The following C1orf21 variants were observed in gnomAD, a reference collection of about 807,000 sequenced individuals.
C1orf21 encodes uncharacterized protein C1orf21.
Under a neutral mutation model 18.7 loss-of-function variants are expected in C1orf21, and 3 were observed. The observed-to-expected ratio is 0.16, with a 90% CI of 0.07 to 0.42. The LOEUF is 0.42. C1orf21 is among the 10% of genes least tolerant of loss of function. The pLI is 0.99. For missense variants in C1orf21, 104 were observed against 143.6 expected (o/e 0.72, Z 1.41); for synonymous variants, 41 against 46.4 (o/e 0.88, Z 0.47).
intron 2 of C1orf21, among the ~76,000 whole-genome samples, chr1:184,493,334 A>C (rs1460732661): frequency 6.6e-6 from 1 of 152,240 alleles, no homozygotes; most frequent in African/African-American, 2.4e-5. Flanking sequence ...CATTTTATCT[A>C]AAAATAATTT....
chr1:184,409,937 T>C (rs376122802), intron 1 of C1orf21, among the ~76,000 whole-genome samples: 8 of 152,196 alleles, frequency 5.3e-5, no homozygotes. Context: ...GATTCATGTA[T>C]GAAAAATTGG....
chr1:184,520,714 A>G (rs1466940973), intron 3 of C1orf21, among the ~76,000 whole-genome samples: 3 of 116,666 alleles, frequency 2.6e-5, no homozygotes, highest in African/African-American at 1.2e-4. Context: ...ACTTTAAATA[A>G]TTGTACTTTA....
intron 2 of C1orf21, among the ~76,000 whole-genome samples, chr1:184,501,139 C>T (rs1189781155): frequency 6.6e-6 from 1 of 152,194 alleles, no homozygotes; most frequent in Non-Finnish European, 1.5e-5. Context: ...GAGGCTTAGC[C>T]TATTAATGGC....
At chr1:184,541,064 G>A (rs1319791726) in intron 3 of C1orf21, among the ~76,000 whole-genome samples, 1 of 152,140 alleles carries the variant, frequency 6.6e-6, no homozygotes, top group Non-Finnish European at 1.5e-5. Context: ...TGAGGAAACT[G>A]AGATATAGAG....
intron 1 of C1orf21, among the ~76,000 whole-genome samples, chr1:184,395,964 C>A (rs114387594): frequency 0.015 from 2,358 of 152,142 alleles, 30 homozygotes; most frequent in Non-Finnish European, 0.025. Flanking sequence ...TTTTACTGTA[C>A]ACTCATAGAC....
At chr1:184,599,344 T>A (rs1218486022) in intron 5 of C1orf21, 1 of 152,178 alleles carries the variant, frequency 6.6e-6, no homozygotes, top group Non-Finnish European at 1.5e-5. Flanking sequence ...TTTTAGTATT[T>A]ATTTATGAAT....
At chr1:184,413,868 G>A (rs530922139) in intron 1 of C1orf21, among the ~76,000 whole-genome samples, 1 of 152,154 alleles carries the variant, frequency 6.6e-6, no homozygotes, top group Non-Finnish European at 1.5e-5. Flanking sequence ...CAGAGAGGAG[G>A]AGCAAGGAAA....
chr1:184,568,082 C>T (rs1659058155), intron 3 of C1orf21, among the ~76,000 whole-genome samples: 1 of 152,200 alleles, frequency 6.6e-6, no homozygotes, highest in Admixed American at 6.5e-5. Context: ...TCCATGTTCA[C>T]CATTTTAAAA....
rs1460353392 is a variant in C1orf21 at position 184,620,200 on chromosome 1, T to TAATCAAG, written c.*648_*654dup. 1 of 152,678 alleles carries TAATCAAG rather than the reference T, an allele frequency of 6.5e-6. No individual in the cohort carries two copies. Among genetic ancestry groups the TAATCAAG allele is most frequent in the African/African-American group, 2.4e-5 (1 of 41,466 alleles). The allele number at this position is 152,678 out of a possible 1,614,324, so 9.5% of individuals were successfully genotyped here. A position where few individuals can be genotyped will look rare whatever the true frequency, so the allele number is the denominator to read the frequency against. The stretch of plus-strand genomic sequence containing the variant: ...AGGTTGTTTGATTTAATAGGTATCT[T>TAATCAAG]AATCAAGAATTAAGCTTGCAACATT... On this transcript the variant is annotated 3_prime_UTR_variant, in exon 6 of 6. Transcript: ENST00000235307.
chr1:184,548,243 ACACACACACACACT>A (rs1206154496), intron 3 of C1orf21, among the ~76,000 whole-genome samples: 5 of 151,630 alleles, frequency 3.3e-5, no homozygotes, highest in African/African-American at 1.2e-4. Context: ...ACACACACAC[ACACACACACACACT>A]CACACACTCA....
chr1:184,484,078 C>T (rs939550167), intron 2 of C1orf21, among the ~76,000 whole-genome samples: 6 of 152,018 alleles, frequency 3.9e-5, no homozygotes, highest in African/African-American at 7.2e-5. Context: ...CACCCACCAC[C>T]GCGCCCGGCT....
intron 4 of C1orf21, among the ~76,000 whole-genome samples, chr1:184,591,606 A>C (rs1659437363): frequency 6.6e-6 from 1 of 152,160 alleles, no homozygotes; most frequent in Non-Finnish European, 1.5e-5. Context: ...GGAGATCGAG[A>C]CCATCCTGGC....
chr1:184,552,992 TAAG>T (rs1658832544), intron 3 of C1orf21, among the ~76,000 whole-genome samples: 1 of 152,220 alleles, frequency 6.6e-6, no homozygotes. Context: ...GCATATTGGT[TAAG>T]AAGGACTCAG....
chr1:184,497,233 G>C (rs1055413478), intron 2 of C1orf21, among the ~76,000 whole-genome samples: 2 of 152,206 alleles, frequency 1.3e-5, no homozygotes, highest in Non-Finnish European at 2.9e-5. Context: ...CATATTTACT[G>C]TGCTGCCCAC....
In C1orf21 at chr1:184,623,349, C is replaced by T. The variant is rs936429595; in HGVS notation, c.*3793C>T. The T allele has an allele frequency of 2.0e-5, 3 of 152,096 alleles. No homozygotes were observed. The highest frequency in any genetic ancestry group is 7.3e-5 in the African/African-American group (3 of 41,372). 9.4% of individuals were successfully genotyped at this position (152,096 alleles called of 1,614,324 possible). A position where few individuals can be genotyped will look rare whatever the true frequency, so the allele number is the denominator to read the frequency against. ...GTATCTAAAGTTCTCTCCTTCCTGC[C>T]TCCCCTAAAGAAAAAGGATATTAGA... On this transcript the variant is annotated 3_prime_UTR_variant, in exon 6 of 6. Coordinates refer to ENST00000235307, the MANE Select transcript of C1orf21 (RefSeq NM_030806.4).
At chr1:184,445,844 A>T (rs941048099) in intron 1 of C1orf21, among the ~76,000 whole-genome samples, 1 of 152,214 alleles carries the variant, frequency 6.6e-6, no homozygotes, top group Admixed American at 6.5e-5. Context: ...AAAGGGCATA[A>T]TCATAACCTC....
chr1:184,526,835 A>G (rs1049041440), intron 3 of C1orf21, among the ~76,000 whole-genome samples: 4 of 152,112 alleles, frequency 2.6e-5, no homozygotes. Context: ...CTCAACAAGT[A>G]TTTATTAATC....
At position 184,627,651 on chromosome 1, in the gene C1orf21, A is replaced by T. The variant is rs1660037955; in HGVS notation, c.*8095A>T. On this transcript the variant is annotated 3_prime_UTR_variant, in exon 6 of 6. Transcript: ENST00000235307. ...TCTTGCTCTTCACTGAGGAATTTGT[A>T]ATTCTGAGGCTAGCGATGCCCACTC... is the stretch of plus-strand genomic sequence containing the variant. 6.6e-6 allele frequency: 1 copy of T among 152,208 alleles called. No homozygotes were observed. Among genetic ancestry groups the T allele is most frequent in the African/African-American group, 2.4e-5 (1 of 41,446 alleles). 9.4% of individuals were successfully genotyped at this position (152,208 alleles called of 1,614,324 possible).
chr1:184,476,230 G>A (rs1657568616), intron 1 of C1orf21, among the ~76,000 whole-genome samples: 1 of 152,148 alleles, frequency 6.6e-6, no homozygotes, highest in African/African-American at 2.4e-5. Flanking sequence ...TAGCTACTGT[G>A]TAGTAGCACT....
Sources: allele counts gnomAD v4.1 joint callset (sites outside exome capture counted in the v4.1 genomes callset), GRCh38; gene constraint gnomAD v4.1.1; transcripts MANE v1.5; gene names NCBI Gene and HGNC (gene_info 2026-07-23, HGNC 2026-07-21).